The following YAF2 variants were observed in gnomAD, a reference collection of about 807,000 sequenced individuals.
YAF2 encodes YY1-associated factor 2.
YAF2 carries 7 observed loss-of-function variants against 20.1 expected under a neutral mutation model. The ratio of observed to expected loss-of-function variants is 0.35; its 90% confidence interval spans 0.20 to 0.65. The LOEUF (loss-of-function observed/expected upper bound fraction) is 0.65, where lower values mean the gene tolerates loss of function less well. YAF2 is among the 30% of genes least tolerant of loss of function. The probability of loss-of-function intolerance (pLI) is 0.69; values close to 1 mark genes in which losing one functional copy is unlikely to be tolerated. For missense variants in YAF2, 151 were observed against 219.2 expected, an observed-to-expected ratio of 0.69 and a Z score of 1.96; for synonymous variants, 74 against 76.0, an observed-to-expected ratio of 0.97 and a Z score of 0.14.
chr12:42,200,285 A>G (rs988264827), intron 2 of YAF2, among the ~76,000 whole-genome samples: 2 of 152,180 alleles, frequency 1.3e-5, no homozygotes. Flanking sequence ...AGGATAGAGA[A>G]ACAAGGAAGA....
intron 2 of YAF2, among the ~76,000 whole-genome samples, chr12:42,224,498 G>C (rs1271376823): frequency 1.3e-5 from 2 of 152,052 alleles, no homozygotes; most frequent in African/African-American, 4.8e-5. Flanking sequence ...ATCTACATTA[G>C]GCAATTCTTC....
intron 2 of YAF2, among the ~76,000 whole-genome samples, chr12:42,201,634 C>CA (rs2066901757): frequency 6.6e-6 from 1 of 152,142 alleles, no homozygotes; most frequent in South Asian, 2.1e-4. Context: ...GGCAGTGGCA[C>CA]AATCTTGGCT....
At chr12:42,163,441 GT>G (rs1450843067) in intron 2 of YAF2, among the ~76,000 whole-genome samples, 1 of 152,120 alleles carries the variant, frequency 6.6e-6, no homozygotes, top group Admixed American at 6.6e-5. Flanking sequence ...GAGACTAGTG[GT>G]CTAATAAATG....
intron 2 of YAF2, chr12:42,233,226 T>C: frequency 1.0e-6 from 1 of 983,864 alleles, no homozygotes; most frequent in Non-Finnish European, 1.2e-6. Context: ...ATAACACCTA[T>C]GAGAAACCTA....
rs190723848 is a variant in YAF2 at position 42,190,959 on chromosome 12, A to C, written c.153-29194T>G. Among the ~76,000 whole-genome samples, 293 of 152,172 alleles carry C rather than the reference A, an allele frequency of 1.9e-3. 1 individual carries two copies. Among genetic ancestry groups the C allele is most frequent in the African/African-American group, 6.6e-3 (275 of 41,530 alleles). On this transcript the variant is annotated intron_variant, in intron 2 of 3. Transcript: ENST00000534854. ...AATGTAACCTACTTAACAATGTTTA[A>C]AAATATAACCTATTTTAAAAAATGT...
At chr12:42,194,250 T>C (rs1243418868) in intron 2 of YAF2, among the ~76,000 whole-genome samples, 2 of 152,188 alleles carry the variant, frequency 1.3e-5, no homozygotes, top group Admixed American at 1.3e-4. Flanking sequence ...TGGCATACAG[T>C]AATTTCCTAG....
chr12:42,227,944 A>G (rs866291379), intron 2 of YAF2, among the ~76,000 whole-genome samples: 223 of 117,770 alleles, frequency 1.9e-3, no homozygotes, highest in African/African-American at 7.0e-3. Flanking sequence ...CCCTCAGCCC[A>G]GCCAGCCACC....
intron 2 of YAF2, among the ~76,000 whole-genome samples, chr12:42,173,764 C>T (rs2066110519): frequency 6.6e-6 from 1 of 152,140 alleles, no homozygotes; most frequent in East Asian, 1.9e-4. Context: ...ATTAAATATT[C>T]CAATTACTGT....
rs756331542 is a variant in YAF2, at chr12:42,160,697, T to C, written c.435A>G (p.Ala145=). ...KSPPASSAAS[A]DQHSQSGSSS... is the part of the protein sequence containing the mutation. ...TAGAGCCGCTTTGACTGTGTTGATC[T>C]GCAGAAGCAGCACTAGATGCAGGCG... Residue 145 remains alanine (A), a synonymous_variant, in exon 4 of 4, where the codon GCA becomes GCG. Coordinates refer to ENST00000534854, the MANE Select transcript of YAF2 (RefSeq NM_005748.6). 4.3e-6 allele frequency: 7 copies of C among 1,613,738 alleles called. No homozygotes were observed. The Admixed American group carries it at 1.2e-4, about 27-fold the overall frequency.
chr12:42,218,570 T>C lies in YAF2; in HGVS notation c.152+19029A>G, dbSNP rs573598683. 2.0e-5 allele frequency among the ~76,000 whole-genome samples: 3 copies of C among 152,300 alleles called. No individual in the cohort carries two copies. In the East Asian group the frequency reaches 5.8e-4, roughly 29 times the overall value. On this transcript the variant is annotated intron_variant, in intron 2 of 3. Coordinates refer to ENST00000534854, the MANE Select transcript of YAF2 (RefSeq NM_005748.6). The stretch of plus-strand genomic sequence containing the variant: ...TTTCCAGAATACATTTTTGGGATTT[T>C]GACCTTTCAGGATTGTGATTTGGGG...
At chr12:42,233,892 T>C in intron 2 of YAF2, 1 of 985,392 alleles carries the variant, frequency 1.0e-6, no homozygotes, top group Non-Finnish European at 1.2e-6. Flanking sequence ...TCAGATAGGC[T>C]GGGCACAGTG....
At chr12:42,199,025 C>T (rs2066830146) in intron 2 of YAF2, 1 of 509,730 alleles carries the variant, frequency 2.0e-6, no homozygotes, top group East Asian at 8.2e-5. Flanking sequence ...TTTCATGTGA[C>T]TATTTTAACA....
In YAF2 at chr12:42,178,811, A is replaced by T. The variant is rs543647738; in HGVS notation, c.153-17046T>A. Among the ~76,000 whole-genome samples the T allele has an allele frequency of 9.2e-5, 14 of 152,256 alleles. No individual in the cohort carries two copies. In the South Asian group the frequency reaches 2.7e-3, roughly 29 times the overall value. On this transcript the variant is annotated intron_variant, in intron 2 of 3. Transcript: ENST00000534854. ...AACCAGAGACAGGGTGCATAATTCTAATCTTTTATTAAGAACCACTTAAAT... is the reference window on the plus strand; with the variant it reads ...AACCAGAGACAGGGTGCATAATTCTTATCTTTTATTAAGAACCACTTAAAT...
chr12:42,238,061 G>T, intron 1 of YAF2, 94 bp downstream of exon 1: 1 of 1,052,642 alleles, frequency 9.5e-7, no homozygotes, highest in Non-Finnish European at 1.2e-6. Flanking sequence ...TGCTCGCCCC[G>T]GTGCCCGGGC....
chr12:42,194,072 T>A (rs1018229749), intron 2 of YAF2, among the ~76,000 whole-genome samples: 4 of 152,226 alleles, frequency 2.6e-5, no homozygotes, highest in Non-Finnish European at 5.9e-5. Flanking sequence ...TGAGTTTGCA[T>A]TTTAAGCTAA....
chr12:42,185,427 G>A (rs2066447750), intron 2 of YAF2, among the ~76,000 whole-genome samples: 1 of 152,246 alleles, frequency 6.6e-6, no homozygotes, highest in Non-Finnish European at 1.5e-5. Flanking sequence ...AACAGGGCTT[G>A]AGAGGACTGG....
intron 2 of YAF2, among the ~76,000 whole-genome samples, chr12:42,215,367 G>T (rs186414290): frequency 6.6e-6 from 1 of 151,240 alleles, no homozygotes; most frequent in East Asian, 2.0e-4. Context: ...AGGAGTTCGA[G>T]ACAAGCCTAG....
chr12:42,199,151 A>G, intron 2 of YAF2: 1 of 1,289,028 alleles, frequency 7.8e-7, no homozygotes, highest in Non-Finnish European at 1.0e-6. Flanking sequence ...TGTCCAAAAA[A>G]GAGAATGACC....
At chr12:42,180,103 C>T (rs925016765) in intron 2 of YAF2, among the ~76,000 whole-genome samples, 3 of 152,166 alleles carry the variant, frequency 2.0e-5, no homozygotes, top group South Asian at 2.1e-4. Flanking sequence ...AGGCAGCCTT[C>T]TAAAATGGCC....
Sources: gnomAD v4.1 joint callset for allele counts (sites outside exome capture counted in the v4.1 genomes callset) on GRCh38, gnomAD v4.1.1 for gene constraint, MANE v1.5 for transcripts, NCBI Gene and HGNC (gene_info 2026-07-23, HGNC 2026-07-21) for gene names.